UACA: variants seen among roughly 807,000 people sequenced by gnomAD.
The protein encoded by UACA is nuclear membrane binding protein.
In UACA, 112 loss-of-function variants were observed where a neutral mutation model predicts 160.5. The ratio of observed to expected loss-of-function variants is 0.70; its 90% CI spans 0.60 to 0.82. UACA has a LOEUF of 0.82. UACA is among the 40% of genes least tolerant of loss of function. The pLI is 0.00. For synonymous variants in UACA, 557 were observed against 568.4 expected (o/e 0.98, Z 0.29); for missense variants, 1,574 against 1,614.6 (o/e 0.97, Z 0.43).
intron 1 of UACA, among the ~76,000 whole-genome samples, chr15:70,706,283 A>G (rs958208806): frequency 6.6e-6 from 1 of 152,074 alleles, no homozygotes; most frequent in African/African-American, 2.4e-5. Context: ...GCCTCAACAC[A>G]ATAAAGACCA....
upstream of UACA, among the ~76,000 whole-genome samples, chr15:70,767,265 A>G (rs1048012312): frequency 8.3e-6 from 1 of 120,888 alleles, no homozygotes; most frequent in African/African-American, 4.1e-5. Flanking sequence ...AACAAAAAAC[A>G]AAAACAAAAA....
At chr15:70,660,745 T>C (rs2140884396) in intron 17 of UACA, 1 of 152,492 alleles carries the variant, frequency 6.6e-6, no homozygotes, top group East Asian at 1.9e-4. Context: ...ATTGGCAGTT[T>C]TGCGATGAGC....
intron 16 of UACA, among the ~76,000 whole-genome samples, chr15:70,666,519 A>G (rs1005451639): frequency 2.0e-5 from 3 of 152,224 alleles, no homozygotes; most frequent in Non-Finnish European, 4.4e-5. Context: ...CTTGGCTAGA[A>G]CAGCTAAAGA....
At chr15:70,777,239 TG>T in the UACA span, among the ~76,000 whole-genome samples, 4 of 152,022 alleles carry the variant, frequency 2.6e-5, no homozygotes, top group African/African-American at 9.7e-5. Context: ...GAGAGGGTTG[TG>T]GGGAGGAAAT....
At chr15:70,686,484 CTTTT>C (rs59586401) in intron 7 of UACA, among the ~76,000 whole-genome samples, 1,733 of 104,896 alleles carry the variant, frequency 0.017, 29 homozygotes, top group African/African-American at 0.058. Flanking sequence ...AGCCAGGGTT[CTTTT>C]TTTTTTTTTT....
chr15:70,673,854 T>G (rs1041403763), intron 13 of UACA, among the ~76,000 whole-genome samples: 11 of 152,120 alleles, frequency 7.2e-5, no homozygotes, highest in African/African-American at 2.2e-4. Context: ...CTTAGTAGTT[T>G]GTTGGTTGGT....
At chr15:70,700,726 A>T (rs1595898338) in intron 1 of UACA, among the ~76,000 whole-genome samples, 1 of 152,078 alleles carries the variant, frequency 6.6e-6, no homozygotes, top group South Asian at 2.1e-4. Flanking sequence ...ACTAAAATAC[A>T]TGTTACTTAA....
rs775760805 is a variant in UACA, at chr15:70,678,203, A to T, written c.895T>A (p.Leu299Met). Reference protein sequence around the residue: ...HQREHQNIQDLEIENEDLKER... With the variant: ...HQREHQNIQDMEIENEDLKER... The stretch of plus-strand genomic sequence containing the variant: ...TTCAAATCTTCATTTTCAATCTCCA[A>T]ATCCTTAAATAATAAAGACAACAAG... The change falls in exon 11 of 19, where the codon TTG becomes ATG. Residue 299 changes from leucine (L) to methionine (M), a missense_variant. Coordinates refer to ENST00000322954, the MANE Select transcript of UACA (RefSeq NM_018003.4). 4 of 1,601,682 alleles carry T rather than the reference A, an allele frequency of 2.5e-6. No individual in the cohort carries two copies. Among genetic ancestry groups the T allele is most frequent in the Non-Finnish European group, 1.7e-6 (2 of 1,175,724 alleles).
intron 1 of UACA, among the ~76,000 whole-genome samples, chr15:70,725,503 T>C (rs1899118027): frequency 6.6e-6 from 1 of 152,208 alleles, no homozygotes; most frequent in Non-Finnish European, 1.5e-5. Flanking sequence ...CATCAATGGT[T>C]GTGAAAGGAA....
At chr15:70,736,538 A>T (rs1899373212) in intron 1 of UACA, among the ~76,000 whole-genome samples, 1 of 151,980 alleles carries the variant, frequency 6.6e-6, no homozygotes, top group Admixed American at 6.6e-5. Flanking sequence ...AGGTTCAAGC[A>T]ATTTTCCTGC....
Position 70,668,390 on chromosome 15 carries a change from T to A in UACA, c.2294A>T (p.Asn765Ile). 6.2e-7 allele frequency: 1 copy of A among 1,609,662 alleles called. No homozygotes were observed. The highest frequency in any genetic ancestry group is 8.5e-7 in the Non-Finnish European group (1 of 1,179,086). The change falls in exon 16 of 19, where the codon AAT (asparagine) becomes ATT (isoleucine). Residue 765 changes from asparagine to isoleucine, a missense_variant. Coordinates refer to ENST00000322954, the MANE Select transcript of UACA (RefSeq NM_018003.4). ...KSHDAIIDDL[N>I]RKLLDVTQKY... ...TTGTGTTACATCTAAAAGCTTTCTATTAAGATCATCAATAATTGCATCATG... is the reference window on the plus strand; with the variant it reads ...TTGTGTTACATCTAAAAGCTTTCTAATAAGATCATCAATAATTGCATCATG...
At chr15:70,709,994 C>G (rs575744607) in intron 1 of UACA, among the ~76,000 whole-genome samples, 50 of 152,248 alleles carry the variant, frequency 3.3e-4, no homozygotes, top group African/African-American at 1.2e-3. Flanking sequence ...TCTAATGAGG[C>G]AGGGTGTGGT....
At chr15:70,773,408 A>G in the UACA span, among the ~76,000 whole-genome samples, 7 of 152,222 alleles carry the variant, frequency 4.6e-5, no homozygotes, top group Non-Finnish European at 1.0e-4. Flanking sequence ...ATGACAAGAC[A>G]TCAGTGGAAA....
At chr15:70,664,572 A>G in intron 17 of UACA, 90 bp downstream of exon 17, 8 of 1,448,464 alleles carry the variant, frequency 5.5e-6, no homozygotes, top group Non-Finnish European at 7.4e-6. Flanking sequence ...ACATAGCTAC[A>G]GAGCACTTTA....
intron 1 of UACA, among the ~76,000 whole-genome samples, chr15:70,762,457 G>A (rs751919043): frequency 6.6e-6 from 1 of 152,140 alleles, no homozygotes; most frequent in African/African-American, 2.4e-5. Context: ...ATAGAATTTT[G>A]ATGATATCGC....
rs1359048321 is a variant in UACA at position 70,703,383 on chromosome 15, T to C, written c.79-3723A>G. On this transcript the variant is annotated intron_variant, in intron 1 of 18. Transcript: ENST00000322954. ...TTCTGCTATGTACTTCCACAAGAAA[T>C]CTGTTTCCTACTAAATTTACAACAT... 2.6e-5 allele frequency: 21 copies of C among 797,216 alleles called. 1 individual carries two copies. The South Asian group carries it at 3.9e-4, about 15-fold the overall frequency. The allele number at this position is 797,216 out of a possible 1,614,324, so 49.4% of individuals were successfully genotyped here.
intron 17 of UACA, 56 bp from the exon 18 acceptor site, chr15:70,660,272 T>A (rs1057441853): frequency 4.8e-6 from 7 of 1,452,232 alleles, no homozygotes; most frequent in Middle Eastern, 1.7e-4. Context: ...TTTCCAAACT[T>A]TGGACAATGC....
At chr15:70,673,949 C>T (rs1897224353) in intron 13 of UACA, among the ~76,000 whole-genome samples, 1 of 152,150 alleles carries the variant, frequency 6.6e-6, no homozygotes, top group African/African-American at 2.4e-5. Context: ...GCAGCCTCCA[C>T]CTCCTGGGTT....
intron 13 of UACA, 147 bp downstream of exon 13, chr15:70,676,346 C>T (rs898894714): frequency 3.5e-6 from 2 of 573,212 alleles, no homozygotes; most frequent in East Asian, 2.9e-5. Context: ...CCAGTTTTGC[C>T]AAAGAGGCAA....
Sources: allele counts gnomAD v4.1 joint callset (sites outside exome capture counted in the v4.1 genomes callset), GRCh38; gene constraint gnomAD v4.1.1; transcripts MANE v1.5; gene names NCBI Gene and HGNC (gene_info 2026-07-23, HGNC 2026-07-21).